Variants in AGAP1 observed in about 807,000 individuals in gnomAD.
The protein encoded by AGAP1 is ArfGAP with GTPase domain, ankyrin repeat and PH domain 1, also known as arf-GAP with GTPase, ANK repeat and PH domain-containing protein 1.
AGAP1 carries 29 observed loss-of-function variants against 105.3 expected under a neutral mutation model. The ratio of observed to expected loss-of-function variants is 0.28; its 90% CI spans 0.21 to 0.38. The LOEUF (loss-of-function observed/expected upper bound fraction) is 0.38. Ranked by LOEUF, AGAP1 falls within the 10% of genes least tolerant of loss-of-function variation. The probability of loss-of-function intolerance (pLI) is 1.00; values close to 1 mark genes in which losing one functional copy is unlikely to be tolerated. For synonymous variants in AGAP1, 509 were observed against 485.9 expected (o/e 1.05, Z -0.63); for missense variants, 998 against 1,165.1 (o/e 0.86, Z 2.09).
rs2060054586 is a variant in AGAP1 at position 236,129,510 on chromosome 2, C to T, written c.*5388C>T. 6.6e-6 allele frequency: 1 copy of T among 152,160 alleles called. No homozygotes were observed. Among genetic ancestry groups the T allele is most frequent in the African/African-American group, 2.4e-5 (1 of 41,430 alleles). 9.4% of individuals were successfully genotyped at this position (152,160 alleles called of 1,614,324 possible). A position where few individuals can be genotyped will look rare whatever the true frequency, so the allele number is the denominator to read the frequency against. ...CAGAGAGTGAACTGGATCGCTGGCC[C>T]CTGGGATGCTGCGCTGTCTGTGATT... On this transcript the variant is annotated 3_prime_UTR_variant, in exon 18 of 18. Coordinates refer to ENST00000304032, the MANE Select transcript of AGAP1 (RefSeq NM_001037131.3). This position sits in a 1 kb window ranked among gnomAD's most constrained non-coding sequence, Gnocchi z 6.2.
chr2:235,956,995 T>TTA (rs1253463945), intron 12 of AGAP1, among the ~76,000 whole-genome samples: 3 of 152,272 alleles, frequency 2.0e-5, no homozygotes, highest in African/African-American at 7.2e-5. Flanking sequence ...CCCATTTTTT[T>TTA]TAAACAGCTT....
At chr2:235,881,782 T>C (rs1045153534) in intron 9 of AGAP1, among the ~76,000 whole-genome samples, 2 of 152,246 alleles carry the variant, frequency 1.3e-5, no homozygotes, top group African/African-American at 4.8e-5. Flanking sequence ...AACCACCATT[T>C]AAGAAGACTG....
intron 1 of AGAP1, among the ~76,000 whole-genome samples, chr2:235,675,385 G>T (rs570326964): frequency 3.7e-4 from 56 of 152,060 alleles, no homozygotes; most frequent in African/African-American, 1.2e-3. Context: ...TAGAGACGGG[G>T]TTTCACTGTG....
chr2:235,945,352 C>T (rs1343020566), intron 12 of AGAP1, among the ~76,000 whole-genome samples: 5 of 152,256 alleles, frequency 3.3e-5, no homozygotes, highest in African/African-American at 7.2e-5. Context: ...GATCCACCCA[C>T]CTTGGCCTCC....
In AGAP1 at chr2:235,660,345, T is replaced by C. The variant is rs1448368664; in HGVS notation, c.164-48834T>C. Among the ~76,000 whole-genome samples the C allele has an allele frequency of 6.6e-6, 1 of 152,150 alleles. No individual in the cohort carries two copies. Among genetic ancestry groups the C allele is most frequent in the Non-Finnish European group, 1.5e-5 (1 of 68,018 alleles). The stretch of plus-strand genomic sequence containing the variant: ...GGGTTTAGTACAAGTTGACCAACCT[T>C]CTTGTTGGTAACATGACTGAGGCAT... On this transcript the variant is annotated intron_variant, in intron 1 of 17. Transcript: ENST00000304032. The surrounding 1 kb of genome is among the most constrained non-coding windows in gnomAD (Gnocchi z 5.3).
chr2:235,950,756 T>C (rs1217876582), intron 12 of AGAP1, among the ~76,000 whole-genome samples: 1 of 152,200 alleles, frequency 6.6e-6, no homozygotes, highest in Non-Finnish European at 1.5e-5. Flanking sequence ...AATCTTACCT[T>C]TCAGTTTATT....
chr2:236,011,033 G>T (rs920671087), intron 13 of AGAP1, among the ~76,000 whole-genome samples: 4 of 152,132 alleles, frequency 2.6e-5, no homozygotes, highest in Admixed American at 1.3e-4. Context: ...GGCTAACAGT[G>T]CAAGACTCCA....
intron 3 of AGAP1, among the ~76,000 whole-genome samples, chr2:235,722,757 A>G (rs1191306875): frequency 1.3e-5 from 2 of 152,226 alleles, no homozygotes; most frequent in Non-Finnish European, 2.9e-5. Flanking sequence ...TTCAACCCAC[A>G]GCAGTGTGTG....
rs542631938 is a variant in AGAP1, at chr2:235,979,487, T to C, written c.1645+10864T>C. On this transcript the variant is annotated intron_variant, in intron 13 of 17. Coordinates refer to ENST00000304032, the MANE Select transcript of AGAP1 (RefSeq NM_001037131.3). The surrounding 1 kb of genome is among the most constrained non-coding windows in gnomAD (Gnocchi z 4.5). Reference sequence around the variant, plus strand: ...GAGAAGGTGTAGTTGAGATAAACTTTGTGTGTTTATTTAGTAATCTTTGCT... The same window carrying C: ...GAGAAGGTGTAGTTGAGATAAACTTCGTGTGTTTATTTAGTAATCTTTGCT... Among the ~76,000 whole-genome samples, 3 of 152,356 alleles carry C rather than the reference T, an allele frequency of 2.0e-5. No homozygotes were observed. The highest frequency in any genetic ancestry group is 1.9e-4 in the East Asian group (1 of 5,176).
intron 13 of AGAP1, among the ~76,000 whole-genome samples, chr2:236,004,928 C>G (rs1343057792): frequency 3.3e-5 from 5 of 152,176 alleles, no homozygotes; most frequent in African/African-American, 9.7e-5. Flanking sequence ...CAGTGTTACT[C>G]TTGGCATTTT....
rs1943793401 is a variant in AGAP1 at position 235,551,073 on chromosome 2, C to T, written c.163+56224C>T. ...ACAGGCGTGAGCCACCGCGCTCGGC[C>T]ATAGATAGTGTTTCTTAAGAGTGAG... On this transcript the variant is annotated intron_variant, in intron 1 of 17. Transcript: ENST00000304032. This position sits in a 1 kb window ranked among gnomAD's most constrained non-coding sequence, Gnocchi z 4.8. Among the ~76,000 whole-genome samples the T allele has an allele frequency of 6.6e-6, 1 of 152,148 alleles. No homozygotes were observed. Among genetic ancestry groups the T allele is most frequent in the Admixed American group, 6.5e-5 (1 of 15,280 alleles).
intron 16 of AGAP1, among the ~76,000 whole-genome samples, chr2:236,116,373 A>G (rs1354500793): frequency 3.0e-3 from 169 of 56,514 alleles, no homozygotes; most frequent in African/African-American, 8.1e-3. Flanking sequence ...TTTTTGAGAG[A>G]GAGTTTTGCT....
chr2:235,815,674 A>G (rs1037870150), intron 9 of AGAP1, among the ~76,000 whole-genome samples: 2 of 152,164 alleles, frequency 1.3e-5, no homozygotes, highest in Non-Finnish European at 2.9e-5. Flanking sequence ...CATATTTGAG[A>G]ATAAAAAAGA....
Position 235,574,323 on chromosome 2 carries a change from C to G in AGAP1, c.163+79474C>G, listed in dbSNP as rs933636932. Among the ~76,000 whole-genome samples, 2 of 152,210 alleles carry G rather than the reference C, an allele frequency of 1.3e-5. No homozygotes were observed. The highest frequency in any genetic ancestry group is 4.8e-5 in the African/African-American group (2 of 41,450). Reference sequence around the variant, plus strand: ...CAGAAAAGCTGAAAATGTTCCCTTACCTTAAGGGAAAGGCCTCAATGGATT... The same window carrying G: ...CAGAAAAGCTGAAAATGTTCCCTTAGCTTAAGGGAAAGGCCTCAATGGATT... On this transcript the variant is annotated intron_variant, in intron 1 of 17. Transcript: ENST00000304032. This position sits in a 1 kb window ranked among gnomAD's most constrained non-coding sequence, Gnocchi z 5.0.
At chr2:235,649,459 A>G (rs557588881) in intron 1 of AGAP1, among the ~76,000 whole-genome samples, 2 of 152,286 alleles carry the variant, frequency 1.3e-5, no homozygotes, top group South Asian at 2.1e-4. Flanking sequence ...CTGCAACCTC[A>G]ACCCCCTGGG....
At chr2:236,052,401 A>G (rs575750077) in intron 16 of AGAP1, among the ~76,000 whole-genome samples, 102 of 152,266 alleles carry the variant, frequency 6.7e-4, no homozygotes, top group African/African-American at 2.4e-3. Flanking sequence ...ACCGCCGCAC[A>G]CTGGAGTCAC....
intron 1 of AGAP1, among the ~76,000 whole-genome samples, chr2:235,571,726 T>C (rs1461769210): frequency 1.3e-5 from 2 of 151,950 alleles, no homozygotes; most frequent in African/African-American, 2.4e-5. Flanking sequence ...CGCTGTAGTA[T>C]ATAGTCAGTG....
chr2:236,079,593 T>TATAC (rs1274774086), intron 16 of AGAP1, among the ~76,000 whole-genome samples: 2 of 151,538 alleles, frequency 1.3e-5, no homozygotes, highest in Non-Finnish European at 2.9e-5. Flanking sequence ...CACATATACA[T>TATAC]ATACATACAT....
rs559904402 is a variant in AGAP1 at position 235,958,563 on chromosome 2, A to G, written c.1484-9899A>G. Among the ~76,000 whole-genome samples the G allele has an allele frequency of 8.5e-5, 13 of 152,268 alleles. No homozygotes were observed. The highest frequency in any genetic ancestry group is 2.6e-4 in the Admixed American group (4 of 15,298). ...CCCTCACCAAGGCGAGCTCCCTGCA[A>G]TGGTTCATCAAAAATTGCCCAGCTA... On this transcript the variant is annotated intron_variant, in intron 12 of 17. Transcript: ENST00000304032. The surrounding 1 kb of genome is among the most constrained non-coding windows in gnomAD (Gnocchi z 4.1).
Sources: gnomAD v4.1 joint callset for allele counts (sites outside exome capture counted in the v4.1 genomes callset) on GRCh38, gnomAD v4.1.1 for gene constraint, Gnocchi (gnomAD v3.1) non-coding constraint, MANE v1.5 for transcripts, NCBI Gene and HGNC (gene_info 2026-07-23, HGNC 2026-07-21) for gene names.